Variants in GYPE observed in about 807,000 individuals in gnomAD.
GYPE encodes glycophorin-E.
A neutral mutation model predicts 11.6 loss-of-function variants in GYPE; 8 were observed. That is an observed-to-expected ratio of 0.69 (90% CI 0.41 to 1.25). GYPE has a LOEUF of 1.25. Among genes scored for constraint, GYPE ranks in the 50% most tolerant of loss-of-function variants. The probability of loss-of-function intolerance (pLI) is 0.01; values close to 1 mark genes in which losing one functional copy is unlikely to be tolerated. For missense variants in GYPE, 90 were observed against 92.8 expected (o/e 0.97, Z 0.12); for synonymous variants, 28 against 29.6 (o/e 0.94, Z 0.18).
chr4:143,885,549 G>T (rs1406564416), intron 1 of GYPE, among the ~76,000 whole-genome samples: 2 of 152,030 alleles, frequency 1.3e-5, no homozygotes, highest in African/African-American at 2.4e-5. Context: ...TACAAAGCTG[G>T]ACTCAGACCC....
chr4:143,879,849 G>C (rs993161770), intron 2 of GYPE, among the ~76,000 whole-genome samples: 12 of 152,226 alleles, frequency 7.9e-5, no homozygotes, highest in Admixed American at 3.9e-4. Context: ...AAGAGAGACT[G>C]CCACCAGATT....
At chr4:143,893,541 A>G (rs1361595814) in intron 1 of GYPE, among the ~76,000 whole-genome samples, 1 of 151,984 alleles carries the variant, frequency 6.6e-6, no homozygotes. Context: ...GCTTGTCTGT[A>G]AAGTATTTTA....
intron 3 of GYPE, chr4:143,875,297 G>A (rs539292424): frequency 4.7e-6 from 3 of 636,932 alleles, no homozygotes; most frequent in East Asian, 5.7e-5. Flanking sequence ...AACAAATCAT[G>A]ACTATACTAC....
chr4:143,903,524 C>CAAA (rs11400558), intron 1 of GYPE, among the ~76,000 whole-genome samples: 1,979 of 98,732 alleles, frequency 0.02, 58 homozygotes, highest in African/African-American at 0.051. Context: ...TTTTTCATAG[C>CAAA]AAAAAAAAAA....
intron 1 of GYPE, among the ~76,000 whole-genome samples, chr4:143,885,565 C>A (rs1744199610): frequency 6.6e-6 from 1 of 152,088 alleles, no homozygotes; most frequent in Non-Finnish European, 1.5e-5. Flanking sequence ...GACCCTAACA[C>A]TGGCTTTAAA....
chr4:143,877,461 A>C (rs2590020), intron 2 of GYPE, among the ~76,000 whole-genome samples: 1 of 152,186 alleles, frequency 6.6e-6, no homozygotes, highest in Admixed American at 6.5e-5. Flanking sequence ...AATATAGTCA[A>C]TAAAAATGCT....
intron 2 of GYPE, among the ~76,000 whole-genome samples, chr4:143,879,669 C>G (rs1457328566): frequency 6.6e-6 from 1 of 152,274 alleles, no homozygotes. Context: ...TTCATTAACA[C>G]TATGAGCTGG....
chr4:143,896,528 G>A, intron 1 of GYPE, among the ~76,000 whole-genome samples: 1 of 152,176 alleles, frequency 6.6e-6, no homozygotes, highest in East Asian at 1.9e-4. Context: ...AGAGGATGTG[G>A]AGAAATAGGA....
At position 143,880,620 on chromosome 4, in the gene GYPE, C is replaced by G. The variant is rs367965948; in HGVS notation, c.38-111G>C. Reference sequence around the variant, plus strand: ...ACATCCCTCCAGTCCCTGAGCTAAGCGCTTTGGTATATATCTTACATAATC... The same window carrying G: ...ACATCCCTCCAGTCCCTGAGCTAAGGGCTTTGGTATATATCTTACATAATC... On this transcript the variant is annotated intron_variant, in intron 1 of 3. Coordinates refer to ENST00000358615, the MANE Select transcript of GYPE (RefSeq NM_198682.3). The G allele has an allele frequency of 6.7e-6, 10 of 1,493,538 alleles. No homozygotes were observed. In the African/African-American group the frequency reaches 1.2e-4, roughly 19 times the overall value. 92.5% of individuals were successfully genotyped at this position (1,493,538 alleles called of 1,614,324 possible). A position where few individuals can be genotyped will look rare whatever the true frequency, so the allele number is the denominator to read the frequency against.
chr4:143,883,735 T>C (rs918588270), intron 1 of GYPE, among the ~76,000 whole-genome samples: 22 of 150,564 alleles, frequency 1.5e-4, no homozygotes, highest in African/African-American at 5.1e-4. Flanking sequence ...ACATGCAGAA[T>C]GAATGCAAGC....
chr4:143,875,844 C>T (rs759662296), intron 3 of GYPE, among the ~76,000 whole-genome samples: 20 of 151,870 alleles, frequency 1.3e-4, no homozygotes, highest in Admixed American at 9.8e-4. Flanking sequence ...AATGGTGGCC[C>T]GCACCTGTAG....
chr4:143,900,206 C>T (rs1196436700), intron 1 of GYPE, among the ~76,000 whole-genome samples: 1 of 143,242 alleles, frequency 7.0e-6, no homozygotes, highest in African/African-American at 2.5e-5. Context: ...TTCTCAGCAT[C>T]ATGAGTTATC....
At chr4:143,878,760 G>A (rs1743907771) in intron 2 of GYPE, 11 of 418,826 alleles carry the variant, frequency 2.6e-5, no homozygotes. Context: ...CTGTTCTGTG[G>A]GTTTCCTTTT....
chr4:143,873,275 G>A (rs1332357619), intron 3 of GYPE: 1 of 320,038 alleles, frequency 3.1e-6, no homozygotes, highest in Non-Finnish European at 6.2e-6. Context: ...AAGTTTAATA[G>A]ACTTAGGTAA....
chr4:143,875,728 G>A (rs1382628827), intron 3 of GYPE, among the ~76,000 whole-genome samples: 10 of 151,998 alleles, frequency 6.6e-5, no homozygotes, highest in Non-Finnish European at 1.0e-4. Context: ...CCAGCACTTT[G>A]GAGGCCAAGG....
chr4:143,879,952 A>G (rs1271516439), intron 2 of GYPE, among the ~76,000 whole-genome samples: 2 of 151,964 alleles, frequency 1.3e-5, no homozygotes, highest in Non-Finnish European at 2.9e-5. Flanking sequence ...ACTTCTTCTT[A>G]TTTAGCCTTT....
intron 3 of GYPE, among the ~76,000 whole-genome samples, chr4:143,872,773 G>A (rs1743659903): frequency 6.6e-6 from 1 of 152,190 alleles, no homozygotes; most frequent in South Asian, 2.1e-4. Flanking sequence ...AGCAAAAAAA[G>A]GAGAAAAAAT....
At chr4:143,896,850 C>G (rs6812817) in intron 1 of GYPE, among the ~76,000 whole-genome samples, 141,197 of 152,154 alleles carry the variant, frequency 0.93, 66,465 homozygotes, top group East Asian at 1. Flanking sequence ...AGTTCATGTC[C>G]TTTGTAGGGA....
At chr4:143,876,168 C>T (rs1327941493) in intron 3 of GYPE, among the ~76,000 whole-genome samples, 7 of 151,856 alleles carry the variant, frequency 4.6e-5, no homozygotes, top group African/African-American at 1.5e-4. Context: ...AGCTGGAGTG[C>T]AGTAGCATGA....
Sources: allele counts gnomAD v4.1 joint callset (sites outside exome capture counted in the v4.1 genomes callset), GRCh38; gene constraint gnomAD v4.1.1; transcripts MANE v1.5; gene names NCBI Gene and HGNC (gene_info 2026-07-23, HGNC 2026-07-21).